The following SVEP1 variants were observed in gnomAD, a reference collection of about 807,000 sequenced individuals.
SVEP1 encodes the protein sushi, von Willebrand factor type A, EGF and pentraxin domain containing 1.
In SVEP1, 164 loss-of-function variants were observed where a neutral mutation model predicts 367.3. That is an observed-to-expected ratio of 0.45 (90% confidence interval 0.39 to 0.51). The LOEUF (loss-of-function observed/expected upper bound fraction) is 0.51, where lower values mean the gene tolerates loss of function less well. Among genes scored for constraint, SVEP1 ranks in the 20% least tolerant of loss-of-function variants. SVEP1 has a pLI of 0.00. For missense variants in SVEP1, 4,117 were observed against 4,425.3 expected (o/e 0.93, Z 1.98); for synonymous variants, 1,666 against 1,611.6 (o/e 1.03, Z -0.81).
intron 16 of SVEP1, 35 bp from the exon 17 acceptor site, chr9:110,469,136 C>T (rs760336892): frequency 6.3e-7 from 1 of 1,580,786 alleles, no homozygotes; most frequent in Non-Finnish European, 8.6e-7. Flanking sequence ...ACTGAATAAA[C>T]TACAACGGTG....
intron 38 of SVEP1, 97 bp from the exon 39 acceptor site, chr9:110,404,649 TATTTTGTGCAAC>T: frequency 1.8e-6 from 2 of 1,122,578 alleles, no homozygotes; most frequent in Admixed American, 3.8e-5. Flanking sequence ...GCTCAGTAGA[TATTTTGTGCAAC>T]ATATTGATTG....
chr9:110,458,924 A>T, intron 19 of SVEP1, 28 bp downstream of exon 19: 1 of 1,603,022 alleles, frequency 6.2e-7, no homozygotes, highest in South Asian at 1.1e-5. Context: ...CCAACATAGG[A>T]TTACATAAGA....
chr9:110,451,040 T>TAC (rs1307803506), intron 23 of SVEP1, among the ~76,000 whole-genome samples: 6 of 152,142 alleles, frequency 3.9e-5, no homozygotes, highest in South Asian at 4.2e-4. Flanking sequence ...AGTTTGCCTT[T>TAC]ACACACACAC....
chr9:110,500,097 C>T (rs527250449), intron 6 of SVEP1, among the ~76,000 whole-genome samples: 1 of 152,278 alleles, frequency 6.6e-6, no homozygotes, highest in South Asian at 2.1e-4. Flanking sequence ...AAGTAAGTGG[C>T]AAAATCTGTG....
In SVEP1 at chr9:110,579,377, G is replaced by T. The variant is rs749357891; in HGVS notation, c.167C>A (p.Ala56Glu). ...CAGCCGCTCCACTCTGCTCCCCGCC[G>T]CTTCGTCGCCAGGAGCGGGCGGCGC... ...IPAPPAPGDE[A>E]AGSRVERLGQ... The change falls in exon 1 of 48, where the codon GCG becomes GAG. Residue 56 changes from alanine (A) to glutamate (E), a missense_variant. Ala to Glu is a moderately radical substitution (Grantham distance 107). Transcript: ENST00000374469. The surrounding 1 kb of genome is among the most constrained non-coding windows in gnomAD (Gnocchi z 5.3). The T allele has an allele frequency of 1.3e-6, 2 of 1,563,070 alleles. No individual in the cohort carries two copies. The highest frequency in any genetic ancestry group is 3.8e-5 in the Admixed American group (2 of 52,488).
intron 1 of SVEP1, among the ~76,000 whole-genome samples, chr9:110,567,281 A>C (rs10817040): frequency 0.085 from 12,967 of 152,256 alleles, 812 homozygotes; most frequent in East Asian, 0.33. Flanking sequence ...AACCATGTAT[A>C]TACATCTCTG....
At position 110,482,458 on chromosome 9, in the gene SVEP1, T is replaced by A; in HGVS notation, c.2073A>T (p.Gln691His). 2 of 1,588,238 alleles carry A rather than the reference T, an allele frequency of 1.3e-6. No individual in the cohort carries two copies. The highest frequency in any genetic ancestry group is 1.7e-6 in the Non-Finnish European group (2 of 1,165,894). Residue 691 changes from glutamine (Q) to histidine (H), a missense_variant, in exon 11 of 48, where the codon CAA becomes CAT. Gln to His is a conservative substitution (Grantham distance 24, BLOSUM62 0). Around this residue, in one of 4 missense-constraint regions of SVEP1, gnomAD observed 2,174 missense variants for 2,494.3 expected, o/e 0.87. Transcript: ENST00000374469. ...AELVITRSHTQGDLFPQGETI... is the reference protein window; with the variant it reads ...AELVITRSHTHGDLFPQGETI... ...TCTCCCCTTGAGGGAAAAGGTCTCCTTGTGTATGACTTCTGGTAATGACCA... is the reference window on the plus strand; with the variant it reads ...TCTCCCCTTGAGGGAAAAGGTCTCCATGTGTATGACTTCTGGTAATGACCA...
At chr9:110,496,397 C>T (rs371841559) in intron 8 of SVEP1, among the ~76,000 whole-genome samples, 6 of 152,220 alleles carry the variant, frequency 3.9e-5, no homozygotes, top group African/African-American at 1.2e-4. Flanking sequence ...CTGAGTCTTC[C>T]AGCCTTCATC....
chr9:110,503,560 G>A (rs1170731429), intron 5 of SVEP1, among the ~76,000 whole-genome samples: 1 of 152,184 alleles, frequency 6.6e-6, no homozygotes, highest in Non-Finnish European at 1.5e-5. Context: ...GGCCTTTCCT[G>A]TGATTTTTCA....
intron 1 of SVEP1, among the ~76,000 whole-genome samples, chr9:110,560,590 CA>C (rs1174614762): frequency 2.0e-5 from 3 of 152,124 alleles, no homozygotes; most frequent in Non-Finnish European, 4.4e-5. Flanking sequence ...CGTGAAGTTC[CA>C]GTGGCCCAGT....
At chr9:110,482,177 G>A (rs1024466687) in intron 11 of SVEP1, among the ~76,000 whole-genome samples, 184 bp downstream of exon 11, 1 of 152,146 alleles carries the variant, frequency 6.6e-6, no homozygotes, top group Non-Finnish European at 1.5e-5. Context: ...ACTGTTCTGG[G>A]AGAAAACATT....
At chr9:110,472,002 A>G (rs1461734252) in intron 15 of SVEP1, among the ~76,000 whole-genome samples, 157 bp downstream of exon 15, 1 of 152,220 alleles carries the variant, frequency 6.6e-6, no homozygotes, top group African/African-American at 2.4e-5. Context: ...TGATACTGAC[A>G]GCAAAAGATG....
intron 44 of SVEP1, among the ~76,000 whole-genome samples, chr9:110,378,136 C>G (rs1326143675): frequency 6.6e-6 from 1 of 151,876 alleles, no homozygotes; most frequent in African/African-American, 2.4e-5. Context: ...TCATCATCAT[C>G]ATCATCTATC....
chr9:110,393,496 T>C (rs1827700837), intron 40 of SVEP1, among the ~76,000 whole-genome samples: 2 of 152,152 alleles, frequency 1.3e-5, no homozygotes, highest in Non-Finnish European at 2.9e-5. Context: ...ACCGGGTTCA[T>C]CTCACTGGGG....
At chr9:110,521,407 C>T (rs1829874010) in intron 3 of SVEP1, among the ~76,000 whole-genome samples, 1 of 152,178 alleles carries the variant, frequency 6.6e-6, no homozygotes, top group South Asian at 2.1e-4. Flanking sequence ...GGCACCCTAA[C>T]TACAGGATGC....
At chr9:110,373,656 C>T (rs957345485) in intron 46 of SVEP1, among the ~76,000 whole-genome samples, 3 of 148,024 alleles carry the variant, frequency 2.0e-5, no homozygotes, top group Non-Finnish European at 4.4e-5. Flanking sequence ...AATTTTAGGA[C>T]ACTAGAAGGT....
At chr9:110,499,345 G>A (rs1025078172) in intron 6 of SVEP1, 107 bp from the exon 7 acceptor site, 31 of 1,006,146 alleles carry the variant, frequency 3.1e-5, no homozygotes, top group Non-Finnish European at 3.7e-5. Context: ...TAGGATTTAC[G>A]TAAATTGCTA....
At chr9:110,515,265 T>C (rs541936769) in intron 3 of SVEP1, among the ~76,000 whole-genome samples, 1 of 152,118 alleles carries the variant, frequency 6.6e-6, no homozygotes, top group Admixed American at 6.5e-5. Flanking sequence ...TAAATAACAG[T>C]TGCAACCAAG....
At chr9:110,470,332 T>C (rs974215132) in intron 16 of SVEP1, among the ~76,000 whole-genome samples, 3 of 152,078 alleles carry the variant, frequency 2.0e-5, no homozygotes, top group Non-Finnish European at 4.4e-5. Flanking sequence ...CACTTTAAAA[T>C]GGTTAATTTT....
Sources: allele counts gnomAD v4.1 joint callset (sites outside exome capture counted in the v4.1 genomes callset), GRCh38; gene constraint gnomAD v4.1.1; regional missense constraint gnomAD v4.1.1; non-coding constraint Gnocchi (gnomAD v3.1); transcripts MANE v1.5; gene names NCBI Gene and HGNC (gene_info 2026-07-23, HGNC 2026-07-21).